Variants in PARD6B observed in about 807,000 individuals in gnomAD.
PARD6B encodes the protein par-6 family cell polarity regulator beta, also known as partitioning defective 6 homolog beta.
A neutral mutation model predicts 10.5 loss-of-function variants in PARD6B; 4 were observed. The ratio of observed to expected loss-of-function variants is 0.38; its 90% CI spans 0.19 to 0.87. The LOEUF (loss-of-function observed/expected upper bound fraction) is 0.87. Among genes scored for constraint, PARD6B ranks in the 40% least tolerant of loss-of-function variants. The pLI is 0.41. For missense variants in PARD6B, 396 were observed against 470.6 expected (o/e 0.84, Z 1.47); for synonymous variants, 169 against 170.4 (o/e 0.99, Z 0.07).
intron 1 of PARD6B, among the ~76,000 whole-genome samples, chr20:50,732,355 C>A (rs997149201): frequency 1.3e-5 from 2 of 152,066 alleles, no homozygotes; most frequent in African/African-American, 4.8e-5. Context: ...CTTTCTAGCA[C>A]TAACTTTGGT....
In PARD6B at chr20:50,753,015, A is replaced by T. The variant is rs540226281; in HGVS notation, c.*2527A>T. ...TGTAGAAGGTTAACTTTCATTTATAATATAAGTGGTGCAGGGGTTCAACAT... is the reference window on the plus strand; with the variant it reads ...TGTAGAAGGTTAACTTTCATTTATATTATAAGTGGTGCAGGGGTTCAACAT... On this transcript the variant is annotated 3_prime_UTR_variant, in exon 3 of 3. Transcript: ENST00000371610. The T allele has an allele frequency of 1.0e-6, 1 of 983,038 alleles. No homozygotes were observed. Among genetic ancestry groups the T allele is most frequent in the African/African-American group, 1.7e-5 (1 of 57,242 alleles). The allele number at this position is 983,038 out of a possible 1,614,324, so 60.9% of individuals were successfully genotyped here.
rs1357212876 is a variant in PARD6B at position 50,750,917 on chromosome 20, G to C, written c.*429G>C. ...CTCTTGTGGTACATTGGGGACCTCA[G>C]CTCTTAAAGGTCTCATGTTCCCAAT... On this transcript the variant is annotated 3_prime_UTR_variant, in exon 3 of 3. Transcript: ENST00000371610. 9.5e-6 allele frequency: 9 copies of C among 947,858 alleles called. No homozygotes were observed. Among genetic ancestry groups the C allele is most frequent in the African/African-American group, 1.9e-5 (1 of 54,040 alleles). 58.7% of individuals were successfully genotyped at this position (947,858 alleles called of 1,614,324 possible). A position where few individuals can be genotyped will look rare whatever the true frequency, so the allele number is the denominator to read the frequency against.
chr20:50,750,040 C>A lies in PARD6B; in HGVS notation c.671C>A (p.Ser224Ter). 1 of 1,614,184 alleles carries A rather than the reference C, an allele frequency of 6.2e-7. No homozygotes were observed. Residue 224 changes from serine to a stop codon, truncating the protein, a stop_gained, in exon 3 of 3, where the codon TCA becomes TAA. Coordinates refer to ENST00000371610, the MANE Select transcript of PARD6B (RefSeq NM_032521.3). LOFTEE classifies it low-confidence loss of function (END_TRUNC). ...EVLEVNGIEV[S>*]GKSLDQVTDM... is the part of the protein sequence containing the mutation. Reference sequence around the variant, plus strand: ...TTAGAAGTTAATGGCATAGAAGTTTCAGGGAAGAGCCTTGATCAAGTAACA... The same window carrying A: ...TTAGAAGTTAATGGCATAGAAGTTTAAGGGAAGAGCCTTGATCAAGTAACA...
rs548248035 is a variant in PARD6B, at chr20:50,753,709, T to C, written c.*3221T>C. On this transcript the variant is annotated 3_prime_UTR_variant, in exon 3 of 3. Transcript: ENST00000371610. ...AATTAGCTTTAGTTGTATATTATTTTTTACAAATAAAGATAGACTTGTATA... is the reference window on the plus strand; with the variant it reads ...AATTAGCTTTAGTTGTATATTATTTCTTACAAATAAAGATAGACTTGTATA... 4.3e-6 allele frequency: 3 copies of C among 703,162 alleles called. No homozygotes were observed. Among genetic ancestry groups the C allele is most frequent in the Non-Finnish European group, 5.2e-6 (3 of 572,306 alleles). 43.6% of individuals were successfully genotyped at this position (703,162 alleles called of 1,614,324 possible). A position where few individuals can be genotyped will look rare whatever the true frequency, so the allele number is the denominator to read the frequency against.
intron 1 of PARD6B, among the ~76,000 whole-genome samples, chr20:50,733,044 G>A (rs1044576063): frequency 6.6e-6 from 1 of 152,170 alleles, no homozygotes; most frequent in Non-Finnish European, 1.5e-5. Flanking sequence ...TATTGTCTAG[G>A]GTTGATAAGC....
At chr20:50,739,408 TC>T (rs1299543512) in intron 2 of PARD6B, among the ~76,000 whole-genome samples, 4 of 152,078 alleles carry the variant, frequency 2.6e-5, no homozygotes, top group Non-Finnish European at 5.9e-5. Context: ...ACCACTGCAC[TC>T]CAGCCTGGGC....
intron 2 of PARD6B, among the ~76,000 whole-genome samples, chr20:50,740,902 C>T (rs1568996502): frequency 6.6e-6 from 1 of 152,064 alleles, no homozygotes; most frequent in Non-Finnish European, 1.5e-5. Flanking sequence ...CTCTCACTCC[C>T]TCATCACAGT....
At position 50,743,598 on chromosome 20, in the gene PARD6B, T is replaced by C. The variant is rs7262779; in HGVS notation, c.289+5519T>C. 4.3e-3 allele frequency among the ~76,000 whole-genome samples: 659 copies of C among 152,252 alleles called. 2 individuals carry two copies. The highest frequency in any genetic ancestry group is 0.015 in the African/African-American group (610 of 41,568). On this transcript the variant is annotated intron_variant, in intron 2 of 2. Coordinates refer to ENST00000371610, the MANE Select transcript of PARD6B (RefSeq NM_032521.3). Reference sequence around the variant, plus strand: ...TAAATTATAGTTTTAACAAAAGATATGGCCCAGAAATGAAAAAAATAAATT... The same window carrying C: ...TAAATTATAGTTTTAACAAAAGATACGGCCCAGAAATGAAAAAAATAAATT...
At position 50,752,401 on chromosome 20, in the gene PARD6B, C is replaced by T; in HGVS notation, c.*1913C>T. 1 of 985,520 alleles carries T rather than the reference C, an allele frequency of 1.0e-6. No homozygotes were observed. 61.0% of individuals were successfully genotyped at this position (985,520 alleles called of 1,614,324 possible). On this transcript the variant is annotated 3_prime_UTR_variant, in exon 3 of 3. Coordinates refer to ENST00000371610, the MANE Select transcript of PARD6B (RefSeq NM_032521.3). Reference sequence around the variant, plus strand: ...CACTGCCTACACTTTATGAAAACTACATAGTATTCACCTGTGACAGGTAGA... The same window carrying T: ...CACTGCCTACACTTTATGAAAACTATATAGTATTCACCTGTGACAGGTAGA...
At chr20:50,745,566 C>G (rs1237873441) in intron 2 of PARD6B, among the ~76,000 whole-genome samples, 1 of 152,164 alleles carries the variant, frequency 6.6e-6, no homozygotes, top group Non-Finnish European at 1.5e-5. Flanking sequence ...GTGGTGCCAT[C>G]TTAGCGTACT....
chr20:50,750,074 G>C lies in PARD6B; in HGVS notation c.705G>C (p.Met235Ile). The C allele has an allele frequency of 6.2e-7, 1 of 1,614,238 alleles. No homozygotes were observed. Among genetic ancestry groups the C allele is most frequent in the African/African-American group, 1.3e-5 (1 of 75,064 alleles). ...GCCTTGATCAAGTAACAGACATGAT[G>C]ATTGCAAATAGCCGTAACCTCATCA... The part of the protein sequence containing the change: ...GKSLDQVTDM[M>I]IANSRNLIIT... The change falls in exon 3 of 3, where the codon ATG becomes ATC. Residue 235 changes from methionine to isoleucine, a missense_variant. Transcript: ENST00000371610.
At chr20:50,745,153 G>A (rs1189173938) in intron 2 of PARD6B, among the ~76,000 whole-genome samples, 1 of 152,040 alleles carries the variant, frequency 6.6e-6, no homozygotes, top group Non-Finnish European at 1.5e-5. Flanking sequence ...GATCTGGCTG[G>A]GCGCAGTGGC....
chr20:50,738,078 G>A lies in PARD6B; in HGVS notation c.288G>A (p.Lys96=), dbSNP rs758860571. The A allele has an allele frequency of 6.3e-7, 1 of 1,582,766 alleles. No individual in the cohort carries two copies. The highest frequency in any genetic ancestry group is 8.6e-7 in the Non-Finnish European group (1 of 1,163,318). ...NPLLRIFIQK[K]EEADYSAFGT... is the part of the protein sequence containing the mutation. ...TGCTTAGGATATTTATACAAAAGAA[G>A]GGTAAGTATCACTGTTTAGAAAAAT... The change falls in exon 2 of 3, where the codon AAG becomes AAA. Residue 96 remains lysine (K), a splice_region_variant and synonymous_variant. Transcript: ENST00000371610.
At chr20:50,743,664 G>A (rs1488786518) in intron 2 of PARD6B, among the ~76,000 whole-genome samples, 4 of 151,992 alleles carry the variant, frequency 2.6e-5, no homozygotes, top group South Asian at 2.1e-4. Flanking sequence ...CGAGGCGGGC[G>A]AATCACAAGA....
rs184537114 is a variant in PARD6B, at chr20:50,751,308, A to G, written c.*820A>G. 1.7e-5 allele frequency: 16 copies of G among 957,446 alleles called. No homozygotes were observed. Among genetic ancestry groups the G allele is most frequent in the East Asian group, 2.3e-4 (2 of 8,662 alleles). 59.3% of individuals were successfully genotyped at this position (957,446 alleles called of 1,614,324 possible). A position where few individuals can be genotyped will look rare whatever the true frequency, so the allele number is the denominator to read the frequency against. On this transcript the variant is annotated 3_prime_UTR_variant, in exon 3 of 3. Coordinates refer to ENST00000371610, the MANE Select transcript of PARD6B (RefSeq NM_032521.3). ...GTTCCTTTCTAATAAATTGTAACAA[A>G]TGATGTTCTCAAGTACATTTCCAGT...
intron 2 of PARD6B, among the ~76,000 whole-genome samples, chr20:50,742,234 G>C (rs2087534760): frequency 6.6e-6 from 1 of 152,054 alleles, no homozygotes; most frequent in African/African-American, 2.4e-5. Context: ...AGTAGAGACA[G>C]GGTTTTGCCA....
In PARD6B at chr20:50,744,009, A is replaced by G. The variant is rs188623274; in HGVS notation, c.290-5650A>G. ...TATTTTTTAGTCAGTCACCAAGCCT[A>G]TTAAAACTGTGTTCTAGTTATTTTT... is the stretch of plus-strand genomic sequence containing the variant. On this transcript the variant is annotated intron_variant, in intron 2 of 2. Transcript: ENST00000371610. Among the ~76,000 whole-genome samples the G allele has an allele frequency of 4.2e-3, 636 of 151,022 alleles. 9 individuals are homozygous for G. The highest frequency in any genetic ancestry group is 2.5e-3 in the Non-Finnish European group (169 of 67,886).
chr20:50,750,151 C>T lies in PARD6B; in HGVS notation c.782C>T (p.Thr261Ile). The T allele has an allele frequency of 6.2e-7, 1 of 1,614,244 alleles. No homozygotes were observed. Among genetic ancestry groups the T allele is most frequent in the East Asian group, 2.2e-5 (1 of 44,888 alleles). ...AATAATGTTGTGAGGAACAGTCGGA[C>T]TTCTGGCAGTTCCGGTCAGTCTACT... ...QRNNVVRNSR[T>I]SGSSGQSTDN... Residue 261 changes from threonine (T) to isoleucine (I), a missense_variant, in exon 3 of 3, where the codon ACT becomes ATT. Thr to Ile is a moderately conservative substitution (Grantham distance 89, BLOSUM62 -1). Coordinates refer to ENST00000371610, the MANE Select transcript of PARD6B (RefSeq NM_032521.3).
intron 2 of PARD6B, among the ~76,000 whole-genome samples, chr20:50,744,467 G>A (rs1039855051): frequency 1.3e-5 from 2 of 152,068 alleles, no homozygotes; most frequent in Non-Finnish European, 2.9e-5. Flanking sequence ...GCCTGCAGCC[G>A]GAGTGAGCTT....
Sources: gnomAD v4.1 joint callset for allele counts (sites outside exome capture counted in the v4.1 genomes callset) on GRCh38, gnomAD v4.1.1 for gene constraint, MANE v1.5 for transcripts, NCBI Gene and HGNC (gene_info 2026-07-23, HGNC 2026-07-21) for gene names.